IQSEC1: variants seen among roughly 807,000 people sequenced by gnomAD.
IQSEC1 encodes the protein IQ motif and SEC7 domain-containing protein 1.
In IQSEC1, 31 loss-of-function variants were observed where a neutral mutation model predicts 91.0. The ratio of observed to expected loss-of-function variants is 0.34; its 90% CI spans 0.26 to 0.46. The LOEUF (loss-of-function observed/expected upper bound fraction) is 0.46. Among genes scored for constraint, IQSEC1 ranks in the 20% least tolerant of loss-of-function variants. The pLI is 1.00. For missense variants in IQSEC1, 1,388 were observed against 1,575.6 expected, an observed-to-expected ratio of 0.88 and a Z score of 2.02; for synonymous variants, 699 against 662.6, an observed-to-expected ratio of 1.05 and a Z score of -0.84.
intron 2 of IQSEC1, among the ~76,000 whole-genome samples, chr3:13,154,438 C>CATATATATATATATATATATATATAT (rs774589168): frequency 4.8e-5 from 1 of 20,758 alleles, no homozygotes; most frequent in Non-Finnish European, 8.1e-5. Context: ...AACTTACATG[C>CATATATATATATATATATATATATAT]ATATATATAT....
At chr3:13,059,813 G>A (rs1391376033) in intron 1 of IQSEC1, among the ~76,000 whole-genome samples, 1 of 152,224 alleles carries the variant, frequency 6.6e-6, no homozygotes, top group Non-Finnish European at 1.5e-5. Flanking sequence ...TCAGGCTAAA[G>A]GAGACAGTGT....
At chr3:13,022,481 C>T (rs1031079081) in intron 1 of IQSEC1, 8 of 997,254 alleles carry the variant, frequency 8.0e-6, no homozygotes, top group East Asian at 1.0e-4. Context: ...TCACTCAGGG[C>T]GGGATGGGTG....
intron 2 of IQSEC1, among the ~76,000 whole-genome samples, chr3:13,114,591 A>G (rs533329333): frequency 5.3e-5 from 8 of 152,316 alleles, no homozygotes; most frequent in Admixed American, 3.3e-4. Flanking sequence ...CAGGAGTTCA[A>G]TATCGGCCTG....
At chr3:13,021,597 T>G (rs1383732488) in intron 1 of IQSEC1, among the ~76,000 whole-genome samples, 1 of 152,184 alleles carries the variant, frequency 6.6e-6, no homozygotes, top group Non-Finnish European at 1.5e-5. Context: ...GGTGTCTGAG[T>G]CCGGGCTGAG....
At chr3:13,056,488 C>G (rs28450042) in intron 1 of IQSEC1, among the ~76,000 whole-genome samples, 7,329 of 152,214 alleles carry the variant, frequency 0.048, 635 homozygotes, top group African/African-American at 0.17. Context: ...TCAAGCCGGC[C>G]TGGGAAGCTT....
chr3:13,249,696 CT>C (rs1383301490), intron 1 of IQSEC1, among the ~76,000 whole-genome samples: 1 of 152,278 alleles, frequency 6.6e-6, no homozygotes, highest in African/African-American at 2.4e-5. Context: ...GTCTCCTCTT[CT>C]GAAAAACGAG....
chr3:13,271,964 G>C (rs1695597286), intron 1 of IQSEC1, among the ~76,000 whole-genome samples: 1 of 152,114 alleles, frequency 6.6e-6, no homozygotes, highest in African/African-American at 2.4e-5. Flanking sequence ...GTACAGAACA[G>C]TCCACCCAAC....
chr3:13,044,529 G>A (rs1337218417), intron 1 of IQSEC1, among the ~76,000 whole-genome samples: 1 of 152,240 alleles, frequency 6.6e-6, no homozygotes, highest in African/African-American at 2.4e-5. Context: ...GGGACACCCA[G>A]TGTCATCGGA....
At chr3:13,048,129 G>T (rs566431697) in intron 1 of IQSEC1, among the ~76,000 whole-genome samples, 1 of 152,302 alleles carries the variant, frequency 6.6e-6, no homozygotes, top group South Asian at 2.1e-4. Flanking sequence ...CCCATGACTA[G>T]CCATAGACTT....
chr3:13,167,182 C>G (rs796885190), intron 1 of IQSEC1, among the ~76,000 whole-genome samples: 13 of 152,314 alleles, frequency 8.5e-5, no homozygotes, highest in African/African-American at 3.1e-4. Flanking sequence ...GCAGATGAAG[C>G]TGAGATCTAG....
At chr3:13,247,724 C>CATCTGG (rs1421733975) in intron 1 of IQSEC1, among the ~76,000 whole-genome samples, 2 of 152,178 alleles carry the variant, frequency 1.3e-5, no homozygotes, top group Admixed American at 6.5e-5. Flanking sequence ...TCATGGTCTC[C>CATCTGG]ATCTGGATCT....
At chr3:13,144,270 T>C (rs1397928141) in intron 2 of IQSEC1, among the ~76,000 whole-genome samples, 2 of 152,164 alleles carry the variant, frequency 1.3e-5, no homozygotes, top group Non-Finnish European at 2.9e-5. Context: ...GCAGCTGGAC[T>C]GCACGCCCGG....
At chr3:13,266,089 C>T (rs1030611515) in intron 1 of IQSEC1, among the ~76,000 whole-genome samples, 48 of 152,002 alleles carry the variant, frequency 3.2e-4, no homozygotes, top group African/African-American at 1.1e-3. Context: ...TCCCACACCC[C>T]CGGCACTGGC....
chr3:13,177,411 A>G (rs1241625741), intron 1 of IQSEC1, among the ~76,000 whole-genome samples: 1 of 152,218 alleles, frequency 6.6e-6, no homozygotes, highest in Admixed American at 6.5e-5. Context: ...CTGCCCAGAA[A>G]AGGGACAGGC....
rs1700652126 is a variant in IQSEC1 at position 12,967,430 on chromosome 3, A to C, written c.24-25565T>G. On this transcript the variant is annotated intron_variant, in intron 1 of 13. Transcript: ENST00000613206. The surrounding 1 kb of genome is among the most constrained non-coding windows in gnomAD (Gnocchi z 5.9). ...TCCAGAAGGGACTGGGTCCTCTCCG[A>C]GTTGCAGTGCAGGCACCACATGGCG... 5 of 1,533,970 alleles carry C rather than the reference A, an allele frequency of 3.3e-6. No individual in the cohort carries two copies. In the Admixed American group the frequency reaches 9.9e-5, roughly 30 times the overall value.
chr3:12,972,786 A>C (rs1354985110), intron 1 of IQSEC1, among the ~76,000 whole-genome samples: 1 of 152,190 alleles, frequency 6.6e-6, no homozygotes, highest in African/African-American at 2.4e-5. Flanking sequence ...CAGCCTGGAC[A>C]ATACAGCATC....
chr3:13,097,478 G>A (rs541204877), intron 2 of IQSEC1, among the ~76,000 whole-genome samples: 92 of 152,262 alleles, frequency 6.0e-4, no homozygotes, highest in African/African-American at 2.1e-3. Flanking sequence ...ATGCTCCTGT[G>A]TTGGCGTCAA....
At chr3:13,154,865 GACCAA>G (rs1707061262) in intron 2 of IQSEC1, among the ~76,000 whole-genome samples, 1 of 68,792 alleles carries the variant, frequency 1.5e-5, no homozygotes, top group Non-Finnish European at 2.7e-5. Context: ...CCCTCTTAAA[GACCAA>G]TAGGTCAAAA....
At chr3:12,915,499 C>A in intron 7 of IQSEC1, 95 bp downstream of exon 7, 1 of 1,378,870 alleles carries the variant, frequency 7.3e-7, no homozygotes, top group Middle Eastern at 1.9e-4. Flanking sequence ...TGGAAGAGAC[C>A]ACACGGAGTG....
Sources: gnomAD v4.1 joint callset for allele counts (sites outside exome capture counted in the v4.1 genomes callset) on GRCh38, gnomAD v4.1.1 for gene constraint, Gnocchi (gnomAD v3.1) non-coding constraint, MANE v1.5 for transcripts, NCBI Gene and HGNC (gene_info 2026-07-23, HGNC 2026-07-21) for gene names.